PHLDB1: variants seen among roughly 807,000 people sequenced by gnomAD.
The protein encoded by PHLDB1 is pleckstrin homology-like domain family B member 1.
PHLDB1 carries 65 observed loss-of-function variants against 139.3 expected under a neutral mutation model. The ratio of observed to expected loss-of-function variants is 0.47; its 90% CI spans 0.38 to 0.57. PHLDB1 has a LOEUF of 0.57. Ranked by LOEUF, PHLDB1 falls within the 20% of genes least tolerant of loss-of-function variation. The pLI is 0.00. For synonymous variants in PHLDB1, 679 were observed against 734.5 expected (o/e 0.92, Z 1.22); for missense variants, 1,624 against 1,839.7 (o/e 0.88, Z 2.14).
chr11:118,635,671 G>C (rs1317520306), intron 10 of PHLDB1, 123 bp downstream of exon 10: 3 of 869,892 alleles, frequency 3.4e-6, no homozygotes, highest in Admixed American at 3.6e-5. Context: ...TGTAAAATGA[G>C]AATTACAACA....
chr11:118,624,752 G>A (rs1233710632), intron 4 of PHLDB1, 182 bp from the exon 5 acceptor site: 2 of 579,474 alleles, frequency 3.5e-6, no homozygotes, highest in Non-Finnish European at 6.2e-6. Flanking sequence ...TGGGATTACA[G>A]GCGTCCACCA....
rs200332611 is a variant in PHLDB1, at chr11:118,620,502, G to GAACAA, written c.355+4306_355+4310dup. 0.022 allele frequency among the ~76,000 whole-genome samples: 3,277 copies of GAACAA among 152,092 alleles called. 49 individuals carry two copies. Among genetic ancestry groups the GAACAA allele is most frequent in the Middle Eastern group, 0.044 (13 of 294 alleles). ...AATGAAACTCCATCTCAAAAAAACA[G>GAACAA]AACAAAACAAAACAAAACACCTGCC... On this transcript the variant is annotated intron_variant, in intron 4 of 22. Coordinates refer to ENST00000600882, the MANE Select transcript of PHLDB1 (RefSeq NM_001144758.3). The surrounding 1 kb of genome is among the most constrained non-coding windows in gnomAD (Gnocchi z 4.1).
Position 118,625,042 on chromosome 11 carries a change from C to A in PHLDB1, c.464C>A (p.Pro155His), listed in dbSNP as rs782309166. ...IPAGGRAPGPPYSPVPAESES... is the reference protein window; with the variant it reads ...IPAGGRAPGPHYSPVPAESES... Reference sequence around the variant, plus strand: ...GCAGGGGGCCGAGCCCCTGGGCCCCCCTACAGCCCTGTTCCTGGTAGGTAC... The same window carrying A: ...GCAGGGGGCCGAGCCCCTGGGCCCCACTACAGCCCTGTTCCTGGTAGGTAC... Residue 155 changes from proline to histidine, a missense_variant, in exon 5 of 23, where the codon CCC becomes CAC. By Grantham distance (77) the Pro-to-His change is moderately conservative. Coordinates refer to ENST00000600882, the MANE Select transcript of PHLDB1 (RefSeq NM_001144758.3). 8 of 1,610,442 alleles carry A rather than the reference C, an allele frequency of 5.0e-6. No homozygotes were observed. Among genetic ancestry groups the A allele is most frequent in the South Asian group, 2.2e-5 (2 of 90,520 alleles).
intron 6 of PHLDB1, 121 bp downstream of exon 6, chr11:118,628,771 C>T (rs1944299409): frequency 1.2e-6 from 1 of 841,828 alleles, no homozygotes; most frequent in Non-Finnish European, 1.8e-6. Context: ...CAAGGTTCCC[C>T]ACCTCCAGGA....
chr11:118,632,762 C>A lies in PHLDB1; in HGVS notation c.2379+466C>A. 1 of 546,340 alleles carries A rather than the reference C, an allele frequency of 1.8e-6. No individual in the cohort carries two copies. Among genetic ancestry groups the A allele is most frequent in the Non-Finnish European group, 2.4e-6 (1 of 424,406 alleles). 33.8% of individuals were successfully genotyped at this position (546,340 alleles called of 1,614,324 possible). ...TCCCTTGAGCCTTCAGGATCTGCAG[C>A]CTCCCATCCCAGGTGATCCTAGCTC... On this transcript the variant is annotated intron_variant, in intron 9 of 22. Transcript: ENST00000600882. This position sits in a 1 kb window ranked among gnomAD's most constrained non-coding sequence, Gnocchi z 5.9.
intron 10 of PHLDB1, chr11:118,637,854 T>A (rs1555116737): frequency 6.6e-6 from 1 of 152,276 alleles, no homozygotes; most frequent in Non-Finnish European, 1.5e-5. Context: ...CACATGATTG[T>A]TGAGCCAGGT....
At position 118,627,879 on chromosome 11, in the gene PHLDB1, G is replaced by T; in HGVS notation, c.1056G>T (p.Leu352=). The change falls in exon 6 of 23, where the codon CTG becomes CTT. Residue 352 remains leucine, a synonymous_variant. Coordinates refer to ENST00000600882, the MANE Select transcript of PHLDB1 (RefSeq NM_001144758.3). ...GGAGAGCCACTGAGAGCCCCCGGCT[G>T]GGTGGGCAGCTGCCTGTGGTGGCCA... ...EARRATESPR[L]GGQLPVVAIS... is the part of the protein sequence containing the mutation. The T allele has an allele frequency of 6.2e-7, 1 of 1,610,046 alleles. No homozygotes were observed.
At position 118,608,205 on chromosome 11, in the gene PHLDB1, T is replaced by G. The variant is rs577528527; in HGVS notation, c.-22+506T>G. Among the ~76,000 whole-genome samples the G allele has an allele frequency of 1.3e-5, 2 of 151,708 alleles. No individual in the cohort carries two copies. The highest frequency in any genetic ancestry group is 2.9e-5 in the Non-Finnish European group (2 of 67,882). Reference sequence around the variant, plus strand: ...TGATGGACCAGGAAGGGATTCGGAGTCCGGCTCAGAGTCTTGAGCGTCTAG... The same window carrying G: ...TGATGGACCAGGAAGGGATTCGGAGGCCGGCTCAGAGTCTTGAGCGTCTAG... On this transcript the variant is annotated intron_variant, in intron 1 of 22. Coordinates refer to ENST00000600882, the MANE Select transcript of PHLDB1 (RefSeq NM_001144758.3). The surrounding 1 kb of genome is among the most constrained non-coding windows in gnomAD (Gnocchi z 6.7).
chr11:118,627,348 TG>T lies in PHLDB1; in HGVS notation c.526del (p.Ala176GlnfsTer15), dbSNP rs782109548. 3.1e-6 allele frequency: 5 copies of T among 1,614,014 alleles called. No individual in the cohort carries two copies. The highest frequency in any genetic ancestry group is 4.2e-6 in the Non-Finnish European group (5 of 1,179,978). The part of the protein sequence containing the change: ...LVNGNHTPQT[A>X]TRGPSACASH... ...TAAATGGGAACCACACCCCACAGACTGCAACACGGGGACCCTCTGCCTGTGC... is the reference window on the plus strand; with the variant it reads ...TAAATGGGAACCACACCCCACAGACTCAACACGGGGACCCTCTGCCTGTGC... On this transcript the variant is annotated frameshift_variant, in exon 6 of 23. Transcript: ENST00000600882. LOFTEE classifies it high-confidence loss of function.
At chr11:118,647,187 G>A (rs1555129897) in intron 17 of PHLDB1, 3 of 152,124 alleles carry the variant, frequency 2.0e-5, no homozygotes, top group Non-Finnish European at 4.4e-5. Flanking sequence ...GTTTCAGAAG[G>A]CCTTCAGTTA....
chr11:118,656,128 G>A (rs1555141716), intron 22 of PHLDB1, among the ~76,000 whole-genome samples: 2 of 150,662 alleles, frequency 1.3e-5, no homozygotes, highest in South Asian at 2.1e-4. Flanking sequence ...GAGAAGGGAT[G>A]GCCGGAAGGG....
chr11:118,631,416 G>A lies in PHLDB1; in HGVS notation c.2037G>A (p.Met679Ile). The A allele has an allele frequency of 6.8e-7, 1 of 1,469,790 alleles. No homozygotes were observed. Among genetic ancestry groups the A allele is most frequent in the Non-Finnish European group, 9.0e-7 (1 of 1,110,110 alleles). The allele number at this position is 1,469,790 out of a possible 1,614,324, so 91.0% of individuals were successfully genotyped here. ...CCACCCAACGCCTATGGGAGAGTATGGAGCGCTCAGATGAGGAAAATCTCA... is the reference window on the plus strand; with the variant it reads ...CCACCCAACGCCTATGGGAGAGTATAGAGCGCTCAGATGAGGAAAATCTCA... ...GVATQRLWES[M>I]ERSDEENLKE... is the part of the protein sequence containing the mutation. The change falls in exon 7 of 23, where the codon ATG (methionine) becomes ATA (isoleucine). Residue 679 changes from methionine to isoleucine, a missense_variant. Transcript: ENST00000600882.
rs782528582 is a variant in PHLDB1, at chr11:118,628,364, G to A, written c.1541G>A (p.Arg514His). Residue 514 changes from arginine (R) to histidine (H), a missense_variant, in exon 6 of 23, where the codon CGT becomes CAT. Arg to His is a conservative substitution (Grantham distance 29, BLOSUM62 0). Transcript: ENST00000600882. ...DFSLTLGARG[R>H]RTRSPSPTLG... ...TCCCTGACGCTGGGGGCACGGGGCCGTAGGACACGGAGCCCCTCACCCACA... is the reference window on the plus strand; with the variant it reads ...TCCCTGACGCTGGGGGCACGGGGCCATAGGACACGGAGCCCCTCACCCACA... 1.4e-5 allele frequency: 22 copies of A among 1,611,318 alleles called. No individual in the cohort carries two copies. The highest frequency in any genetic ancestry group is 1.7e-4 in the Middle Eastern group (1 of 6,052).
In PHLDB1 at chr11:118,645,606, C is replaced by T. The variant is rs1555126922; in HGVS notation, c.3372C>T (p.Ile1124=). 6.2e-7 allele frequency: 1 copy of T among 1,613,400 alleles called. No homozygotes were observed. Among genetic ancestry groups the T allele is most frequent in the African/African-American group, 1.3e-5 (1 of 74,928 alleles). Reference sequence around the variant, plus strand: ...GCTCTGACAGCATGGAGACCAGCATCTCCACCGGGGGCAACTCGGCCTGCT... The same window carrying T: ...GCTCTGACAGCATGGAGACCAGCATTTCCACCGGGGGCAACTCGGCCTGCT... ...LESSDSMETS[I]STGGNSACSP... The change falls in exon 16 of 23, where the codon ATC becomes ATT. Residue 1124 remains isoleucine (I), a synonymous_variant. Transcript: ENST00000600882. The surrounding 1 kb of genome is among the most constrained non-coding windows in gnomAD (Gnocchi z 5.1).
intron 4 of PHLDB1, 165 bp from the exon 5 acceptor site, chr11:118,624,769 C>T (rs542328413): frequency 3.3e-6 from 2 of 614,378 alleles, no homozygotes; most frequent in South Asian, 3.8e-5. Context: ...ACCACCACAC[C>T]CGGCTAATTT....
At chr11:118,644,769 G>T (rs989081502) in intron 15 of PHLDB1, 5 of 944,350 alleles carry the variant, frequency 5.3e-6, no homozygotes, top group Middle Eastern at 2.5e-4. Flanking sequence ...GTCCTGCCCA[G>T]GTCCCCACTG....
rs1448821661 is a variant in PHLDB1 at position 118,610,003 on chromosome 11, T to C, written c.-22+2304T>C. On this transcript the variant is annotated intron_variant, in intron 1 of 22. Transcript: ENST00000600882. This position sits in a 1 kb window ranked among gnomAD's most constrained non-coding sequence, Gnocchi z 8.7. ...CCGGTGGGCCCCAGCCTCCCTCTCCTTCGCCCCATCTCCCCGCCCGTCAGC... is the reference window on the plus strand; with the variant it reads ...CCGGTGGGCCCCAGCCTCCCTCTCCCTCGCCCCATCTCCCCGCCCGTCAGC... Among the ~76,000 whole-genome samples, 1 of 151,216 alleles carries C rather than the reference T, an allele frequency of 6.6e-6. No homozygotes were observed. Among genetic ancestry groups the C allele is most frequent in the African/African-American group, 2.4e-5 (1 of 41,080 alleles).
rs1555109965 is a variant in PHLDB1 at position 118,631,329 on chromosome 11, C to A, written c.1950C>A (p.Gly650=). 6.5e-7 allele frequency: 1 copy of A among 1,541,098 alleles called. No homozygotes were observed. The highest frequency in any genetic ancestry group is 1.7e-4 in the Middle Eastern group (1 of 5,792). ...CCACCGCAGCATTGGCACTGGCAGG[C>A]CGGAGGCCCTCACGAGGCCTTGCAG... ...GEATAALALA[G]RRPSRGLAGA... The change falls in exon 7 of 23, where the codon GGC becomes GGA. Residue 650 remains glycine, a synonymous_variant. Transcript: ENST00000600882.
rs1944950392 is a variant in PHLDB1, at chr11:118,632,386, C to T, written c.2379+90C>T. On this transcript the variant is annotated intron_variant, in intron 9 of 22. Transcript: ENST00000600882. This position sits in a 1 kb window ranked among gnomAD's most constrained non-coding sequence, Gnocchi z 5.9. ...TTCTCTGGGGCCCTGTACCCTTCAC[C>T]TCATCATCCATTCTGCAGTACAAGT... 1 of 1,298,706 alleles carries T rather than the reference C, an allele frequency of 7.7e-7. No homozygotes were observed. 80.4% of individuals were successfully genotyped at this position (1,298,706 alleles called of 1,614,324 possible).
Sources: allele counts gnomAD v4.1 joint callset (sites outside exome capture counted in the v4.1 genomes callset), GRCh38; gene constraint gnomAD v4.1.1; non-coding constraint Gnocchi (gnomAD v3.1); transcripts MANE v1.5; gene names NCBI Gene and HGNC (gene_info 2026-07-23, HGNC 2026-07-21).